The following GIN1 variants were observed in gnomAD, a reference collection of about 807,000 sequenced individuals.
GIN1 encodes gypsy retrotransposon integrase-like protein 1.
Under a neutral mutation model 51.4 loss-of-function variants are expected in GIN1, and 41 were observed. That is an observed-to-expected ratio of 0.80 (90% CI 0.62 to 1.04). The LOEUF (loss-of-function observed/expected upper bound fraction) is 1.04. Ranked by LOEUF, GIN1 falls within the 50% of genes least tolerant of loss-of-function variation. The pLI, the probability that GIN1 is intolerant of heterozygous loss-of-function variation, is 0.00. For missense variants in GIN1, 610 were observed against 612.4 expected, an observed-to-expected ratio of 1.00 and a Z score of 0.04; for synonymous variants, 222 against 206.5, an observed-to-expected ratio of 1.07 and a Z score of -0.64.
chr5:103,105,343 A>T (rs1321274570), intron 3 of GIN1, among the ~76,000 whole-genome samples: 1 of 152,178 alleles, frequency 6.6e-6, no homozygotes, highest in East Asian at 1.9e-4. Flanking sequence ...TTCACATGGA[A>T]CATAAATCTG....
At chr5:103,101,980 T>C (rs1787587351) in intron 4 of GIN1, among the ~76,000 whole-genome samples, 1 of 152,236 alleles carries the variant, frequency 6.6e-6, no homozygotes, top group South Asian at 2.1e-4. Flanking sequence ...ATTATCTTGC[T>C]TTATTTGCAA....
Position 103,087,673 on chromosome 5 carries a change from A to G in GIN1, c.*225T>C, listed in dbSNP as rs931801678. 6.7e-6 allele frequency: 2 copies of G among 299,926 alleles called. No homozygotes were observed. The highest frequency in any genetic ancestry group is 1.2e-5 in the Non-Finnish European group (2 of 165,980). 18.6% of individuals were successfully genotyped at this position (299,926 alleles called of 1,614,324 possible). On this transcript the variant is annotated 3_prime_UTR_variant, in exon 8 of 8. Transcript: ENST00000399004. Reference sequence around the variant, plus strand: ...GGTGCTTTGCCTGTTCTCTTTTTAGAAGAAAAAGTGAATTCTATATATTAC... The same window carrying G: ...GGTGCTTTGCCTGTTCTCTTTTTAGGAGAAAAAGTGAATTCTATATATTAC...
Position 103,087,796 on chromosome 5 carries a change from A to C in GIN1, c.*102T>G. ...ATAAACCTTCAGAATATAGTCATTAAGAATGTGTCAAGATACTTCTTCTAT... is the reference window on the plus strand; with the variant it reads ...ATAAACCTTCAGAATATAGTCATTACGAATGTGTCAAGATACTTCTTCTAT... On this transcript the variant is annotated 3_prime_UTR_variant, in exon 8 of 8. Coordinates refer to ENST00000399004, the MANE Select transcript of GIN1 (RefSeq NM_017676.2). The C allele has an allele frequency of 1.8e-6, 1 of 567,804 alleles. No homozygotes were observed. The highest frequency in any genetic ancestry group is 2.9e-5 in the East Asian group (1 of 34,616). The allele number at this position is 567,804 out of a possible 1,614,324, so 35.2% of individuals were successfully genotyped here.
At chr5:103,095,867 T>G (rs1787377240) in intron 7 of GIN1, among the ~76,000 whole-genome samples, 2 of 151,934 alleles carry the variant, frequency 1.3e-5, no homozygotes, top group African/African-American at 4.8e-5. Context: ...GAAGTTGCAG[T>G]GAGCTGAGAT....
At position 103,096,812 on chromosome 5, in the gene GIN1, ATTG is replaced by A; in HGVS notation, c.1020_1022del (p.Asn341del). 1 of 1,590,936 alleles carries A rather than the reference ATTG, an allele frequency of 6.3e-7. No homozygotes were observed. The highest frequency in any genetic ancestry group is 8.6e-7 in the Non-Finnish European group (1 of 1,160,440). The stretch of plus-strand genomic sequence containing the variant: ...TCTTGCTTTTATTTAGTTCATCCAA[ATTG>A]TTGTTCTCCATCTACAAGTGTAAAA... On this transcript the variant is annotated inframe_deletion, in exon 7 of 8. Transcript: ENST00000399004.
chr5:103,091,061 C>T (rs1787224629), intron 7 of GIN1, among the ~76,000 whole-genome samples: 1 of 152,062 alleles, frequency 6.6e-6, no homozygotes, highest in Non-Finnish European at 1.5e-5. Context: ...ATGTCAAAGG[C>T]CTGTTTGTTT....
At chr5:103,117,113 A>G (rs1023482746) in intron 1 of GIN1, among the ~76,000 whole-genome samples, 3 of 152,128 alleles carry the variant, frequency 2.0e-5, no homozygotes, top group East Asian at 1.9e-4. Flanking sequence ...AGTTTTATTC[A>G]TATCAGCCAA....
chr5:103,100,190 T>C (rs1023696235), intron 4 of GIN1, among the ~76,000 whole-genome samples: 32 of 151,744 alleles, frequency 2.1e-4, no homozygotes, highest in African/African-American at 7.3e-4. Flanking sequence ...AATCTCAACC[T>C]CCTGGGCTCA....
chr5:103,117,386 A>AT (rs5870041), intron 1 of GIN1, among the ~76,000 whole-genome samples: 152,171 of 152,184 alleles, frequency 1, 76,079 homozygotes, highest in Middle Eastern at 1. Flanking sequence ...TTTAAAAACA[A>AT]TGCCAACGCA....
chr5:103,118,575 T>C (rs1788149241), intron 1 of GIN1, among the ~76,000 whole-genome samples: 1 of 152,090 alleles, frequency 6.6e-6, no homozygotes, highest in African/African-American at 2.4e-5. Context: ...GATATAACAG[T>C]CTAATGCAGT....
intron 7 of GIN1, among the ~76,000 whole-genome samples, chr5:103,090,283 T>C (rs1233054757): frequency 1.3e-5 from 2 of 152,208 alleles, no homozygotes; most frequent in Non-Finnish European, 2.9e-5. Context: ...AGCGAGACTC[T>C]GTCTCAACAA....
At chr5:103,110,499 A>T (rs771713608) in intron 1 of GIN1, among the ~76,000 whole-genome samples, 6 of 152,196 alleles carry the variant, frequency 3.9e-5, no homozygotes, top group African/African-American at 1.4e-4. Flanking sequence ...TGTGCTCAAC[A>T]TCATTATTCC....
Position 103,087,969 on chromosome 5 carries a change from G to A in GIN1, c.1498C>T (p.His500Tyr), listed in dbSNP as rs782524982. The A allele has an allele frequency of 6.3e-7, 1 of 1,596,218 alleles. No individual in the cohort carries two copies. Among genetic ancestry groups the A allele is most frequent in the South Asian group, 1.1e-5 (1 of 90,500 alleles). ...NTKISPLIDD[H>Y]SSLEKQTFSL... ...AAAGTCTGCTTTTCAAGAGAACTATGATCGTCTATCAATGGAGAGATTTTC... is the reference window on the plus strand; with the variant it reads ...AAAGTCTGCTTTTCAAGAGAACTATAATCGTCTATCAATGGAGAGATTTTC... The change falls in exon 8 of 8, where the codon CAT becomes TAT. Residue 500 changes from histidine to tyrosine, a missense_variant. Transcript: ENST00000399004.
chr5:103,097,721 C>T lies in GIN1; in HGVS notation c.700G>A (p.Gly234Arg), dbSNP rs782292531. The change falls in exon 5 of 8, where the codon GGA (glycine) becomes AGA (arginine). Residue 234 changes from glycine to arginine, a missense_variant. Coordinates refer to ENST00000399004, the MANE Select transcript of GIN1 (RefSeq NM_017676.2). ...GTACTTTCCGTTGGGTTAACAGTTCCAGAGGTGTGAGAAATTACAATTTGC... is the reference window on the plus strand; with the variant it reads ...GTACTTTCCGTTGGGTTAACAGTTCTAGAGGTGTGAGAAATTACAATTTGC... ...IKQIVISHTSGTVNPTESTPN... is the reference protein window; with the variant it reads ...IKQIVISHTSRTVNPTESTPN... The T allele has an allele frequency of 1.9e-6, 3 of 1,590,846 alleles. No homozygotes were observed. Among genetic ancestry groups the T allele is most frequent in the Middle Eastern group, 1.7e-4 (1 of 6,024 alleles).
At chr5:103,117,522 A>G (rs1788070612) in intron 1 of GIN1, among the ~76,000 whole-genome samples, 1 of 151,404 alleles carries the variant, frequency 6.6e-6, no homozygotes, top group Non-Finnish European at 1.5e-5. Context: ...AAGTAGGAGA[A>G]ATAAATGATA....
In GIN1 at chr5:103,097,792, T is replaced by A; in HGVS notation, c.640-11A>T. The A allele has an allele frequency of 8.0e-7, 1 of 1,244,554 alleles. No individual in the cohort carries two copies. The highest frequency in any genetic ancestry group is 1.9e-4 in the Middle Eastern group (1 of 5,228). The allele number at this position is 1,244,554 out of a possible 1,614,324, so 77.1% of individuals were successfully genotyped here. On this transcript the variant is annotated splice_polypyrimidine_tract_variant and intron_variant, in intron 4 of 7. Coordinates refer to ENST00000399004, the MANE Select transcript of GIN1 (RefSeq NM_017676.2). ...CAGTTCAATATTGATCTGAAAAATA[T>A]ATAAAACAAAGGTGGCTTTTTAAAA...
intron 1 of GIN1, among the ~76,000 whole-genome samples, chr5:103,113,772 T>C (rs1256584803): frequency 1.3e-5 from 2 of 152,168 alleles, no homozygotes; most frequent in Admixed American, 6.5e-5. Flanking sequence ...TCCACCCACC[T>C]TAGCCTCCCA....
intron 7 of GIN1, among the ~76,000 whole-genome samples, chr5:103,089,380 C>T (rs1787171046): frequency 6.6e-6 from 1 of 152,038 alleles, no homozygotes; most frequent in South Asian, 2.1e-4. Flanking sequence ...CTAAATGTTC[C>T]CCCAAAACAT....
intron 3 of GIN1, among the ~76,000 whole-genome samples, chr5:103,105,108 C>CT (rs879985140): frequency 1.0e-3 from 146 of 145,140 alleles, no homozygotes; most frequent in Middle Eastern, 7.2e-3. Flanking sequence ...TTATACATGG[C>CT]TTTTTTTTTT....
Sources: gnomAD v4.1 joint callset for allele counts (sites outside exome capture counted in the v4.1 genomes callset) on GRCh38, gnomAD v4.1.1 for gene constraint, MANE v1.5 for transcripts, NCBI Gene and HGNC (gene_info 2026-07-23, HGNC 2026-07-21) for gene names.